Variants in SHTN1 observed in about 807,000 individuals in gnomAD.
SHTN1 encodes the protein shootin 1.
SHTN1 carries 42 observed loss-of-function variants against 83.1 expected under a neutral mutation model. That is an observed-to-expected ratio of 0.51 (90% CI 0.39 to 0.65). The LOEUF (loss-of-function observed/expected upper bound fraction) is 0.65. Ranked by LOEUF, SHTN1 falls within the 30% of genes least tolerant of loss-of-function variation. The pLI is 0.00. For missense variants in SHTN1, 622 were observed against 737.8 expected (o/e 0.84, Z 1.82); for synonymous variants, 224 against 247.7 (o/e 0.90, Z 0.90).
rs1420055899 is a variant in SHTN1, at chr10:117,091,782, G to GA, written c.-189+34524dup. Among the ~76,000 whole-genome samples, 5 of 152,298 alleles carry GA rather than the reference G, an allele frequency of 3.3e-5. No homozygotes were observed. The East Asian group carries it at 9.7e-4, about 29-fold the overall frequency. On this transcript the variant is annotated intron_variant, in intron 1 of 17. Coordinates refer to the SHTN1 transcript ENST00000392901. ...AATGACTGCCTCATCCATCAAGACC[G>GA]AAGGCAAGTAGTGAGTGTCCTTTCC...
intron 16 of SHTN1, among the ~76,000 whole-genome samples, chr10:116,899,482 A>T (rs1172246568): frequency 3.4e-5 from 5 of 147,340 alleles, no homozygotes; most frequent in Admixed American, 3.4e-4. Flanking sequence ...TGGAGGGGGA[A>T]GGGAAGTTAG....
intron 1 of SHTN1, among the ~76,000 whole-genome samples, chr10:116,985,544 G>A (rs561123179): frequency 6.6e-6 from 1 of 152,264 alleles, no homozygotes; most frequent in Admixed American, 6.5e-5. Flanking sequence ...AATTAAGGAA[G>A]AAGGAAGAAT....
intron 2 of SHTN1, among the ~76,000 whole-genome samples, chr10:116,969,195 G>A (rs1297149180): frequency 1.3e-5 from 2 of 152,158 alleles, no homozygotes; most frequent in Non-Finnish European, 2.9e-5. Flanking sequence ...GGGAGGCCGA[G>A]GCAGGCAGAT....
chr10:116,914,167 G>C (rs376595314), intron 13 of SHTN1, among the ~76,000 whole-genome samples: 48 of 152,112 alleles, frequency 3.2e-4, no homozygotes, highest in African/African-American at 1.1e-3. Context: ...CTGTGACAAA[G>C]TGGCAACTTA....
chr10:116,979,209 G>A (rs1340812665), intron 2 of SHTN1, 47 bp downstream of exon 2: 1 of 1,507,364 alleles, frequency 6.6e-7, no homozygotes, highest in African/African-American at 1.4e-5. Flanking sequence ...ATGCCGCCTA[G>A]GCTTTTACAC....
intron 2 of SHTN1, among the ~76,000 whole-genome samples, chr10:116,976,191 C>G (rs1190673984): frequency 6.6e-6 from 1 of 151,972 alleles, no homozygotes; most frequent in Non-Finnish European, 1.5e-5. Context: ...GAGCATGAGA[C>G]AGGGAGATGA....
chr10:117,040,504 A>C (rs947422606), intron 2 of SHTN1, among the ~76,000 whole-genome samples: 5 of 152,228 alleles, frequency 3.3e-5, no homozygotes, highest in African/African-American at 1.2e-4. Flanking sequence ...TGGCTAAAAT[A>C]AAATTAAAAG....
intron 5 of SHTN1, 85 bp downstream of exon 5, chr10:116,953,957 C>T: frequency 8.7e-7 from 1 of 1,151,882 alleles, no homozygotes; most frequent in Admixed American, 2.4e-5. Context: ...AAGCTTCCCA[C>T]ATGATTCTGA....
chr10:117,122,427 C>T (rs981533196), intron 1 of SHTN1, among the ~76,000 whole-genome samples: 3 of 152,152 alleles, frequency 2.0e-5, no homozygotes, highest in African/African-American at 7.2e-5. Context: ...GATCCTCTCA[C>T]CCCCACCTCC....
chr10:117,052,172 T>C (rs575699841), intron 1 of SHTN1, among the ~76,000 whole-genome samples: 238 of 151,394 alleles, frequency 1.6e-3, no homozygotes, highest in Non-Finnish European at 2.9e-3. Flanking sequence ...TAAAATTCCT[T>C]TTATAATAGC....
At chr10:117,000,622 T>A (rs1851789995) in intron 1 of SHTN1, among the ~76,000 whole-genome samples, 1 of 152,190 alleles carries the variant, frequency 6.6e-6, no homozygotes, top group Non-Finnish European at 1.5e-5. Flanking sequence ...AACTTGGAAA[T>A]GACATGGCAT....
chr10:116,959,647 G>A (rs577484388), intron 4 of SHTN1, among the ~76,000 whole-genome samples: 4 of 152,184 alleles, frequency 2.6e-5, no homozygotes, highest in Non-Finnish European at 5.9e-5. Context: ...TCAGCAAGAG[G>A]CAATCAGTGG....
intron 14 of SHTN1, among the ~76,000 whole-genome samples, chr10:116,909,787 C>T (rs1848119130): frequency 6.6e-6 from 1 of 152,166 alleles, no homozygotes; most frequent in African/African-American, 2.4e-5. Context: ...CTAAGTCTTA[C>T]AACTTGGGTC....
At chr10:116,922,488 G>A (rs1046822228) in intron 11 of SHTN1, among the ~76,000 whole-genome samples, 6 of 151,800 alleles carry the variant, frequency 4.0e-5, no homozygotes, top group South Asian at 2.1e-4. Flanking sequence ...AAGCACTTGC[G>A]CACCAGAATA....
At chr10:116,938,831 G>A (rs1849262856) in intron 9 of SHTN1, among the ~76,000 whole-genome samples, 1 of 152,192 alleles carries the variant, frequency 6.6e-6, no homozygotes. Flanking sequence ...CCCCTGACTG[G>A]GGCTGCTGCC....
chr10:116,916,067 CT>C (rs1412527431), intron 12 of SHTN1, among the ~76,000 whole-genome samples: 4 of 152,154 alleles, frequency 2.6e-5, no homozygotes, highest in African/African-American at 9.7e-5. Context: ...TTTCTCAAGT[CT>C]TTTTAAATTG....
intron 1 of SHTN1, among the ~76,000 whole-genome samples, chr10:116,994,010 CAT>C (rs2133520562): frequency 6.6e-6 from 1 of 152,132 alleles, no homozygotes; most frequent in Admixed American, 6.5e-5. Context: ...TTTGAGGAAA[CAT>C]ATTTCTAAGA....
chr10:116,983,454 GCAAA>G (rs1851102525), intron 1 of SHTN1, among the ~76,000 whole-genome samples: 1 of 152,078 alleles, frequency 6.6e-6, no homozygotes, highest in Admixed American at 6.6e-5. Flanking sequence ...AAGATCTACT[GCAAA>G]CAATTTGTTG....
At chr10:117,106,747 G>T (rs1271848535) in intron 1 of SHTN1, among the ~76,000 whole-genome samples, 1 of 152,136 alleles carries the variant, frequency 6.6e-6, no homozygotes, top group Non-Finnish European at 1.5e-5. Flanking sequence ...TCTTGGGGGT[G>T]ATCATGTTTC....
Sources: allele counts gnomAD v4.1 joint callset (sites outside exome capture counted in the v4.1 genomes callset), GRCh38; gene constraint gnomAD v4.1.1; transcripts MANE v1.5; gene names NCBI Gene and HGNC (gene_info 2026-07-23, HGNC 2026-07-21).